SH3GLB1: variants seen among roughly 807,000 people sequenced by gnomAD.
The protein encoded by SH3GLB1 is endophilin-B1.
Under a neutral mutation model 42.0 loss-of-function variants are expected in SH3GLB1, and 17 were observed. That is an observed-to-expected ratio of 0.40 (90% CI 0.28 to 0.61). The LOEUF (loss-of-function observed/expected upper bound fraction) is 0.61, where lower values mean the gene tolerates loss of function less well. SH3GLB1 is among the 20% of genes least tolerant of loss of function. The pLI is 0.36. For synonymous variants in SH3GLB1, 132 were observed against 146.6 expected (o/e 0.90, Z 0.72); for missense variants, 355 against 426.3 (o/e 0.83, Z 1.47).
intron 1 of SH3GLB1, among the ~76,000 whole-genome samples, chr1:86,709,518 A>G (rs936207899): frequency 2.0e-5 from 3 of 152,226 alleles, no homozygotes; most frequent in Non-Finnish European, 1.5e-5. Flanking sequence ...CAAACTTGTC[A>G]TAAATCTTAT....
At chr1:86,730,224 C>G in intron 5 of SH3GLB1, 2 of 1,430,576 alleles carry the variant, frequency 1.4e-6, no homozygotes, top group Non-Finnish European at 1.8e-6. Context: ...TGTTAGTATA[C>G]CTTATAAAAT....
At chr1:86,738,879 G>C (rs1655916387) in intron 7 of SH3GLB1, among the ~76,000 whole-genome samples, 1 of 150,912 alleles carries the variant, frequency 6.6e-6, no homozygotes, top group Non-Finnish European at 1.5e-5. Context: ...CCTGGCCTCA[G>C]GCTATCTGCC....
chr1:86,728,706 G>A (rs1038089584), intron 5 of SH3GLB1, among the ~76,000 whole-genome samples: 2 of 152,078 alleles, frequency 1.3e-5, no homozygotes, highest in African/African-American at 4.8e-5. Context: ...ACAGATTTTA[G>A]AATATGAATT....
At position 86,743,770 on chromosome 1, in the gene SH3GLB1, A is replaced by G. The variant is rs1383380583; in HGVS notation, c.*535A>G. ...ATGTTTACCTGGTTTTCCAACAGAA[A>G]TCAAATGATTTTAATATTATGTTTT... On this transcript the variant is annotated 3_prime_UTR_variant, in exon 9 of 9. Coordinates refer to ENST00000370558, the MANE Select transcript of SH3GLB1 (RefSeq NM_016009.5). 2 of 152,662 alleles carry G rather than the reference A, an allele frequency of 1.3e-5. No homozygotes were observed. Among genetic ancestry groups the G allele is most frequent in the African/African-American group, 2.4e-5 (1 of 41,468 alleles). 9.5% of individuals were successfully genotyped at this position (152,662 alleles called of 1,614,324 possible).
Position 86,722,935 on chromosome 1 carries a change from G to A in SH3GLB1, c.477+262G>A, listed in dbSNP as rs571830899. Among the ~76,000 whole-genome samples the A allele has an allele frequency of 4.6e-5, 7 of 152,194 alleles. No individual in the cohort carries two copies. The East Asian group carries it at 1.4e-3, about 29-fold the overall frequency. ...TACCAACGCTAAAATCTATAGAGAG[G>A]TTCCTGGAATGATTATGAAAATATG... is the stretch of plus-strand genomic sequence containing the variant. On this transcript the variant is annotated intron_variant, in intron 4 of 8. Coordinates refer to ENST00000370558, the MANE Select transcript of SH3GLB1 (RefSeq NM_016009.5).
intron 5 of SH3GLB1, among the ~76,000 whole-genome samples, chr1:86,729,345 A>G (rs770491347): frequency 1.3e-5 from 2 of 152,090 alleles, no homozygotes; most frequent in African/African-American, 2.4e-5. Context: ...AGATTATTGT[A>G]CAGAATATAT....
chr1:86,730,431 A>G lies in SH3GLB1; in HGVS notation c.571-4171A>G, dbSNP rs1016693227. On this transcript the variant is annotated intron_variant, in intron 5 of 8. Transcript: ENST00000370558. ...AATGATTTTTTTAATAACAATTTTTAAAATGTAAAATATAGTTAACACCAT... is the reference window on the plus strand; with the variant it reads ...AATGATTTTTTTAATAACAATTTTTGAAATGTAAAATATAGTTAACACCAT... The G allele has an allele frequency of 7.7e-6, 7 of 907,006 alleles. No homozygotes were observed. In the African/African-American group the frequency reaches 1.1e-4, roughly 14 times the overall value. 56.2% of individuals were successfully genotyped at this position (907,006 alleles called of 1,614,324 possible).
chr1:86,732,430 G>A (rs140666118), intron 5 of SH3GLB1, among the ~76,000 whole-genome samples: 2 of 152,150 alleles, frequency 1.3e-5, no homozygotes, highest in South Asian at 2.1e-4. Flanking sequence ...ATTTTCTTCC[G>A]AAGTAAATTG....
At chr1:86,705,686 A>G (rs921892422) in intron 1 of SH3GLB1, among the ~76,000 whole-genome samples, 3 of 152,182 alleles carry the variant, frequency 2.0e-5, no homozygotes, top group Non-Finnish European at 4.4e-5. Flanking sequence ...TTAAGGGGAA[A>G]AGTTGACTAC....
chr1:86,721,808 G>A (rs1438521494), intron 3 of SH3GLB1, among the ~76,000 whole-genome samples: 1 of 151,862 alleles, frequency 6.6e-6, no homozygotes, highest in African/African-American at 2.4e-5. Flanking sequence ...ATCCAGGCCC[G>A]CCACCCTGAG....
intron 5 of SH3GLB1, among the ~76,000 whole-genome samples, chr1:86,728,953 T>C (rs558989735): frequency 6.6e-6 from 1 of 152,284 alleles, no homozygotes. Flanking sequence ...TTAGGTTAGG[T>C]ACTCCTGTAA....
In SH3GLB1 at chr1:86,742,226, T is replaced by G; in HGVS notation, c.780T>G (p.Leu260=). The change falls in exon 8 of 9, where the codon CTT becomes CTG. Residue 260 remains leucine, a synonymous_variant. Transcript: ENST00000370558. ...TCAACAGTTTTCCATCCAATTATCT[T>G]AGTAACAACAATCAGACTTCTGTGA... is the stretch of plus-strand genomic sequence containing the variant. ...KQLGSFPSNY[L]SNNNQTSVTP... is the part of the protein sequence containing the mutation. 6.2e-7 allele frequency: 1 copy of G among 1,614,032 alleles called. No homozygotes were observed. Among genetic ancestry groups the G allele is most frequent in the Non-Finnish European group, 8.5e-7 (1 of 1,179,898 alleles).
intron 7 of SH3GLB1, among the ~76,000 whole-genome samples, chr1:86,738,997 T>G (rs890569696): frequency 1.1e-4 from 17 of 152,160 alleles, no homozygotes; most frequent in African/African-American, 4.1e-4. Context: ...ATAGTTAAAA[T>G]GGGGAATGCC....
rs1655714514 is a variant in SH3GLB1 at position 86,735,063 on chromosome 1, T to C, written c.661-16T>C. The C allele has an allele frequency of 6.3e-7, 1 of 1,599,666 alleles. No individual in the cohort carries two copies. The highest frequency in any genetic ancestry group is 8.6e-7 in the Non-Finnish European group (1 of 1,167,292). ...TGACTATACAGCTAAGAACTAACTA[T>C]AATTTTCCTTCACAGGCCCATCACC... On this transcript the variant is annotated splice_polypyrimidine_tract_variant and intron_variant, in intron 6 of 8. Coordinates refer to ENST00000370558, the MANE Select transcript of SH3GLB1 (RefSeq NM_016009.5).
intron 2 of SH3GLB1, among the ~76,000 whole-genome samples, chr1:86,716,875 C>T (rs1417194507): frequency 1.3e-5 from 2 of 152,170 alleles, no homozygotes; most frequent in Non-Finnish European, 2.9e-5. Flanking sequence ...TTGTTTGGGA[C>T]CAAGTTGTGA....
Position 86,748,038 on chromosome 1 carries a change from A to G in SH3GLB1, c.*4803A>G, listed in dbSNP as rs185293609. 2 of 152,280 alleles carry G rather than the reference A, an allele frequency of 1.3e-5. No homozygotes were observed. The highest frequency in any genetic ancestry group is 4.8e-5 in the African/African-American group (2 of 41,562). 9.4% of individuals were successfully genotyped at this position (152,280 alleles called of 1,614,324 possible). On this transcript the variant is annotated 3_prime_UTR_variant, in exon 9 of 9. Coordinates refer to ENST00000370558, the MANE Select transcript of SH3GLB1 (RefSeq NM_016009.5). ...CTGTTTTGTAACTTTTTTTCACTCA[A>G]CAATACCATGACTGTCTTGCTGTGT...
chr1:86,729,449 A>T (rs572586151), intron 5 of SH3GLB1, among the ~76,000 whole-genome samples: 2 of 152,284 alleles, frequency 1.3e-5, no homozygotes, highest in East Asian at 3.9e-4. Context: ...GAATGCATTA[A>T]TGTGTTTCCA....
chr1:86,705,009 C>T (rs1192770145), intron 1 of SH3GLB1, 38 bp downstream of exon 1: 7 of 1,444,146 alleles, frequency 4.8e-6, no homozygotes, highest in Admixed American at 4.1e-5. Flanking sequence ...TGGCGGCGCC[C>T]GGGAAGGTTG....
At chr1:86,739,608 A>G (rs893679039) in intron 7 of SH3GLB1, among the ~76,000 whole-genome samples, 2 of 152,198 alleles carry the variant, frequency 1.3e-5, no homozygotes, top group African/African-American at 4.8e-5. Context: ...GTAAAGGGGA[A>G]CAGAGGAATG....
Sources: allele counts gnomAD v4.1 joint callset (sites outside exome capture counted in the v4.1 genomes callset), GRCh38; gene constraint gnomAD v4.1.1; transcripts MANE v1.5; gene names NCBI Gene and HGNC (gene_info 2026-07-23, HGNC 2026-07-21).